The following REV1 variants were observed in gnomAD, a reference collection of about 807,000 sequenced individuals.
REV1 encodes the protein REV1 DNA directed polymerase, also known as translesion synthesis protein REV1.
REV1 carries 42 observed loss-of-function variants against 137.4 expected under a neutral mutation model. The observed-to-expected ratio is 0.31, with a 90% CI of 0.24 to 0.40. The LOEUF is 0.40. Ranked by LOEUF, REV1 falls within the 10% of genes least tolerant of loss-of-function variation. REV1 has a pLI of 1.00. For synonymous variants in REV1, 524 were observed against 519.2 expected (o/e 1.01, Z -0.12); for missense variants, 1,282 against 1,490.1 (o/e 0.86, Z 2.30).
Position 99,418,750 on chromosome 2 carries a change from C to T in REV1, c.1951+78G>A, listed in dbSNP as rs1156632451. 1.0e-5 allele frequency: 14 copies of T among 1,340,384 alleles called. No individual in the cohort carries two copies. The African/African-American group carries it at 1.2e-4, about 11-fold the overall frequency. 83.0% of individuals were successfully genotyped at this position (1,340,384 alleles called of 1,614,324 possible). ...TATTCATGTCTGGGCAAAAAGAGGT[C>T]TCACAGTTCTATATTATAGATATGA... On this transcript the variant is annotated intron_variant, in intron 12 of 22. Coordinates refer to ENST00000258428, the MANE Select transcript of REV1 (RefSeq NM_016316.4).
Position 99,429,958 on chromosome 2 carries a change from T to TAA in REV1, c.1439-12_1439-11dup. On this transcript the variant is annotated splice_polypyrimidine_tract_variant and intron_variant, in intron 8 of 22. Coordinates refer to ENST00000258428, the MANE Select transcript of REV1 (RefSeq NM_016316.4). ...GAATCTGGTATATCTGCTTTAAAAA[T>TAA]AAAAAAAAATTAATGGTTATATGTT... is the stretch of plus-strand genomic sequence containing the variant. The TAA allele has an allele frequency of 1.3e-6, 2 of 1,502,354 alleles. No individual in the cohort carries two copies. The highest frequency in any genetic ancestry group is 1.8e-6 in the Non-Finnish European group (2 of 1,108,678). 93.1% of individuals were successfully genotyped at this position (1,502,354 alleles called of 1,614,324 possible).
intron 2 of REV1, among the ~76,000 whole-genome samples, chr2:99,464,418 T>A (rs554205974): frequency 6.6e-5 from 10 of 152,360 alleles, no homozygotes; most frequent in African/African-American, 2.4e-4. Context: ...ATCCTATTCA[T>A]TAAAACTTTG....
At chr2:99,404,750 C>T in intron 17 of REV1, 73 bp from the exon 18 acceptor site, 1 of 995,834 alleles carries the variant, frequency 1.0e-6, no homozygotes, top group Non-Finnish European at 1.5e-6. Context: ...GTTAACACGC[C>T]ACTTTAAATT....
chr2:99,437,375 G>C (rs1280992854), intron 6 of REV1, among the ~76,000 whole-genome samples: 1 of 152,130 alleles, frequency 6.6e-6, no homozygotes, highest in Non-Finnish European at 1.5e-5. Context: ...ACTCGGAGAG[G>C]TGAACTAACT....
intron 3 of REV1, among the ~76,000 whole-genome samples, chr2:99,458,789 T>C (rs1683818682): frequency 6.6e-6 from 1 of 152,268 alleles, no homozygotes; most frequent in Non-Finnish European, 1.5e-5. Flanking sequence ...CTGTATGTTT[T>C]ATTTATATAA....
In REV1 at chr2:99,421,547, G is replaced by A. The variant is rs560500168; in HGVS notation, c.1783C>T (p.Arg595Cys). Residue 595 changes from arginine to cysteine, a missense_variant, in exon 11 of 23, where the codon CGT becomes TGT. By Grantham distance (180) the Arg-to-Cys change is radical (BLOSUM62 -3). Around this residue, in one of 7 missense-constraint regions of REV1, gnomAD observed 372 missense variants for 482.3 expected, o/e 0.77. Coordinates refer to ENST00000258428, the MANE Select transcript of REV1 (RefSeq NM_016316.4). ...LTPDEFANAV[R>C]MEIKDQTKCA... is the part of the protein sequence containing the mutation. The stretch of plus-strand genomic sequence containing the variant: ...TTCGTCTGGTCTTTGATTTCCATAC[G>A]AACAGCATTTGCAAATTCATCAGGA... The A allele has an allele frequency of 4.3e-6, 7 of 1,613,788 alleles. No homozygotes were observed. The highest frequency in any genetic ancestry group is 1.3e-5 in the African/African-American group (1 of 74,848).
Position 99,444,480 on chromosome 2 carries a change from G to A in REV1, c.351-2011C>T, listed in dbSNP as rs1368613869. ...CACTGATCATATACAAGGGTGTCAG[G>A]CCTTATCCAGCTCCTAACAAGAGCC... On this transcript the variant is annotated intron_variant, in intron 4 of 22. Coordinates refer to ENST00000258428, the MANE Select transcript of REV1 (RefSeq NM_016316.4). Among the ~76,000 whole-genome samples the A allele has an allele frequency of 2.0e-5, 3 of 152,176 alleles. No homozygotes were observed. In the East Asian group the frequency reaches 5.8e-4, roughly 29 times the overall value.
In REV1 at chr2:99,402,930, C is replaced by A. The variant is rs1175481419; in HGVS notation, c.3343G>T (p.Gly1115Trp). 22 of 1,613,974 alleles carry A rather than the reference C, an allele frequency of 1.4e-5. No individual in the cohort carries two copies. The highest frequency in any genetic ancestry group is 1.7e-5 in the Non-Finnish European group (20 of 1,180,034). Reference sequence around the variant, plus strand: ...GGAGGTCCTTCATGTTTTAGAAACCCATCAATTAACTTCTGGGGACTGCCA... The same window carrying A: ...GGAGGTCCTTCATGTTTTAGAAACCAATCAATTAACTTCTGGGGACTGCCA... The part of the protein sequence containing the change: ...ACGSPQKLID[G>W]FLKHEGPPAE... Residue 1115 changes from glycine (G) to tryptophan (W), a missense_variant, in exon 20 of 23, where the codon GGG becomes TGG. By Grantham distance (184) the Gly-to-Trp change is radical. This residue lies in a region of REV1 where 170 missense variants were observed against 156.8 expected (regional missense o/e 1.08). Coordinates refer to ENST00000258428, the MANE Select transcript of REV1 (RefSeq NM_016316.4).
chr2:99,462,372 T>C, intron 3 of REV1, 124 bp downstream of exon 3: 3 of 919,102 alleles, frequency 3.3e-6, no homozygotes, highest in Non-Finnish European at 4.8e-6. Flanking sequence ...GCAGATGATT[T>C]ATTTCTTCTC....
chr2:99,424,502 T>C (rs1280655524), intron 9 of REV1: 4 of 530,240 alleles, frequency 7.5e-6, no homozygotes, highest in Non-Finnish European at 1.3e-5. Flanking sequence ...GTGCCAACTA[T>C]GTCATTAAAA....
intron 10 of REV1, among the ~76,000 whole-genome samples, chr2:99,422,807 A>T (rs1678860270): frequency 6.6e-6 from 1 of 152,124 alleles, no homozygotes; most frequent in Non-Finnish European, 1.5e-5. Flanking sequence ...GCTCTCTCTC[A>T]CATCCTCATA....
intron 13 of REV1, 113 bp downstream of exon 13, chr2:99,412,618 C>A: frequency 1.2e-6 from 1 of 804,342 alleles, no homozygotes; most frequent in Non-Finnish European, 2.1e-6. Context: ...GGGGATACAA[C>A]AGTTTTAAGA....
intron 10 of REV1, among the ~76,000 whole-genome samples, chr2:99,422,902 C>A (rs1245423955): frequency 6.6e-6 from 1 of 152,134 alleles, no homozygotes; most frequent in African/African-American, 2.4e-5. Context: ...GTCACCCATC[C>A]CTATCTAGCC....
intron 1 of REV1, among the ~76,000 whole-genome samples, chr2:99,477,825 A>T (rs904468392): frequency 3.3e-5 from 5 of 152,264 alleles, no homozygotes; most frequent in Admixed American, 6.5e-5. Context: ...ATTTAACAAA[A>T]TCAATAGTTA....
At chr2:99,462,647 A>C in intron 2 of REV1, 25 bp from the exon 3 acceptor site, 1 of 1,583,682 alleles carries the variant, frequency 6.3e-7, no homozygotes, top group Non-Finnish European at 8.5e-7. Context: ...AAGGTAAACC[A>C]ATCACAAAGG....
intron 8 of REV1, among the ~76,000 whole-genome samples, chr2:99,430,600 T>C (rs919719079): frequency 3.3e-5 from 5 of 152,222 alleles, no homozygotes; most frequent in Non-Finnish European, 4.4e-5. Flanking sequence ...AACATTCAAG[T>C]GTGATCAGAG....
At chr2:99,405,625 T>C (rs1464157415) in intron 17 of REV1, 1 of 255,662 alleles carries the variant, frequency 3.9e-6, no homozygotes, top group Non-Finnish European at 7.4e-6. Context: ...TAAGTCTGCA[T>C]GATGACCACT....
chr2:99,444,495 TAAC>T (rs1156355465), intron 4 of REV1, among the ~76,000 whole-genome samples: 1 of 152,198 alleles, frequency 6.6e-6, no homozygotes, highest in Non-Finnish European at 1.5e-5. Flanking sequence ...ATCCAGCTCC[TAAC>T]AAGAGCCATG....
In REV1 at chr2:99,404,724, G is replaced by A. The variant is rs1036600884; in HGVS notation, c.2812-47C>T. ...AGTAGGAAGTTAAAGCATGCTCAGA[G>A]ATGAGGTGTTTGGGAGTTAACACGC... On this transcript the variant is annotated intron_variant, in intron 17 of 22. Coordinates refer to ENST00000258428, the MANE Select transcript of REV1 (RefSeq NM_016316.4). 4 of 1,294,208 alleles carry A rather than the reference G, an allele frequency of 3.1e-6. No homozygotes were observed. The African/African-American group carries it at 4.4e-5, about 14-fold the overall frequency. The allele number at this position is 1,294,208 out of a possible 1,614,324, so 80.2% of individuals were successfully genotyped here.
Sources: allele counts gnomAD v4.1 joint callset (sites outside exome capture counted in the v4.1 genomes callset), GRCh38; gene constraint gnomAD v4.1.1; regional missense constraint gnomAD v4.1.1; transcripts MANE v1.5; gene names NCBI Gene and HGNC (gene_info 2026-07-23, HGNC 2026-07-21).